Variants in FRMD4B observed in about 807,000 individuals in gnomAD.
FRMD4B encodes FERM domain containing 4B, also known as FERM domain-containing protein 4B.
In FRMD4B, 74 loss-of-function variants were observed where a neutral mutation model predicts 141.5. The ratio of observed to expected loss-of-function variants is 0.52; its 90% confidence interval spans 0.43 to 0.63. The LOEUF (loss-of-function observed/expected upper bound fraction) is 0.63. Among genes scored for constraint, FRMD4B ranks in the 30% least tolerant of loss-of-function variants. The pLI, the probability that FRMD4B is intolerant of heterozygous loss-of-function variation, is 0.00. For synonymous variants in FRMD4B, 506 were observed against 467.9 expected (o/e 1.08, Z -1.05); for missense variants, 1,366 against 1,253.4 (o/e 1.09, Z -1.36).
chr3:69,221,006 T>C (rs1190675836), intron 9 of FRMD4B, among the ~76,000 whole-genome samples: 2 of 151,780 alleles, frequency 1.3e-5, no homozygotes, highest in African/African-American at 4.8e-5. Flanking sequence ...TATTGTCACC[T>C]GGCTGGAGTG....
At chr3:69,260,535 C>T (rs898681797) in intron 5 of FRMD4B, among the ~76,000 whole-genome samples, 6 of 152,232 alleles carry the variant, frequency 3.9e-5, no homozygotes, top group Non-Finnish European at 5.9e-5. Context: ...GGACCTGCAG[C>T]CCGCCATGCC....
At chr3:69,193,925 T>C (rs1336982821) in intron 16 of FRMD4B, 52 bp from the exon 17 acceptor site, 1 of 1,092,666 alleles carries the variant, frequency 9.2e-7, no homozygotes, top group African/African-American at 1.6e-5. Context: ...CAATCAACTC[T>C]TACATGCATT....
chr3:69,338,550 G>C (rs1369112930), intron 1 of FRMD4B, among the ~76,000 whole-genome samples: 1 of 152,180 alleles, frequency 6.6e-6, no homozygotes, highest in African/African-American at 2.4e-5. Context: ...AATGGAGCTG[G>C]AGGTCATTAT....
rs5849890 is a variant in FRMD4B, at chr3:69,253,183, A to ATTTTTTTT, written c.502-3092_502-3085dup. On this transcript the variant is annotated intron_variant, in intron 5 of 22. Coordinates refer to ENST00000398540, the MANE Select transcript of FRMD4B (RefSeq NM_015123.3). ...GGAAATTAGTGAAAATATGATTCCT[A>ATTTTTTTT]TTTTTTTTTTTTTTTTTTTTTGCAG... Among the ~76,000 whole-genome samples the ATTTTTTTT allele has an allele frequency of 7.8e-4, 101 of 129,828 alleles. 1 individual carries two copies. Among genetic ancestry groups the ATTTTTTTT allele is most frequent in the African/African-American group, 3.0e-3 (99 of 33,538 alleles). The allele number at this position is 129,828 out of a possible 152,430, so 85.2% of individuals were successfully genotyped here.
At chr3:69,516,834 G>T (rs1038185006) in intron 1 of FRMD4B, among the ~76,000 whole-genome samples, 9 of 152,180 alleles carry the variant, frequency 5.9e-5, no homozygotes, top group African/African-American at 2.2e-4. Context: ...GAAAACTGCT[G>T]GGTGGGCTTG....
At chr3:69,274,906 A>G (rs2106952913) in intron 5 of FRMD4B, among the ~76,000 whole-genome samples, 2 of 152,304 alleles carry the variant, frequency 1.3e-5, no homozygotes, top group South Asian at 4.1e-4. Context: ...ATTCCCACAT[A>G]AAGGAAACCT....
At chr3:69,200,800 T>C (rs749531612) in intron 11 of FRMD4B, 5 of 592,126 alleles carry the variant, frequency 8.4e-6, no homozygotes, top group Admixed American at 2.3e-5. Flanking sequence ...ATTTCTACCC[T>C]AGTTTACTCA....
At chr3:69,265,525 T>G (rs1430744710) in intron 5 of FRMD4B, among the ~76,000 whole-genome samples, 2 of 137,578 alleles carry the variant, frequency 1.5e-5, no homozygotes, top group African/African-American at 5.4e-5. Context: ...CTCGGCTCAC[T>G]GCAAGCTCCG....
chr3:69,284,238 G>A (rs1032738921), intron 5 of FRMD4B, among the ~76,000 whole-genome samples: 1 of 152,124 alleles, frequency 6.6e-6, no homozygotes, highest in Admixed American at 6.5e-5. Context: ...AGAGAGCTGC[G>A]AAGAGAGAGA....
chr3:69,305,151 A>T (rs1344159527), intron 3 of FRMD4B, among the ~76,000 whole-genome samples: 1 of 152,124 alleles, frequency 6.6e-6, no homozygotes, highest in African/African-American at 2.4e-5. Context: ...TACCCAGTGG[A>T]CTTGTATATA....
At chr3:69,320,423 T>C (rs1701959003) in intron 1 of FRMD4B, among the ~76,000 whole-genome samples, 1 of 151,772 alleles carries the variant, frequency 6.6e-6, no homozygotes, top group Non-Finnish European at 1.5e-5. Context: ...TGAGAAACCA[T>C]CTCTACAAAA....
chr3:69,323,705 G>C (rs1269699305), intron 1 of FRMD4B, among the ~76,000 whole-genome samples: 1 of 140,956 alleles, frequency 7.1e-6, no homozygotes, highest in African/African-American at 2.6e-5. Flanking sequence ...TCCATTACTA[G>C]CTTCATTTTA....
chr3:69,511,560 G>T (rs1488601334), intron 1 of FRMD4B, among the ~76,000 whole-genome samples: 2 of 152,154 alleles, frequency 1.3e-5, no homozygotes, highest in Admixed American at 6.6e-5. Flanking sequence ...ATACCTGACT[G>T]ACAGCCCCAG....
At chr3:69,503,367 G>A (rs904482999) in intron 1 of FRMD4B, among the ~76,000 whole-genome samples, 1 of 152,064 alleles carries the variant, frequency 6.6e-6, no homozygotes, top group African/African-American at 2.4e-5. Flanking sequence ...AAAGAAGGAT[G>A]AGTTCATGTC....
intron 1 of FRMD4B, among the ~76,000 whole-genome samples, chr3:69,379,921 CAT>C (rs879854669): frequency 2.6e-5 from 4 of 152,254 alleles, no homozygotes; most frequent in Admixed American, 6.5e-5. Flanking sequence ...GCCCGCAAGC[CAT>C]AGTTTGCTGA....
chr3:69,202,324 A>G (rs2092976464), intron 11 of FRMD4B, among the ~76,000 whole-genome samples: 1 of 152,204 alleles, frequency 6.6e-6, no homozygotes, highest in Non-Finnish European at 1.5e-5. Context: ...TTATTTGGAC[A>G]ATATTGGTGT....
chr3:69,365,683 A>T (rs1336023873), intron 1 of FRMD4B, among the ~76,000 whole-genome samples: 1 of 151,930 alleles, frequency 6.6e-6, no homozygotes, highest in Non-Finnish European at 1.5e-5. Context: ...GTATTATTAC[A>T]GACGGGGCTT....
chr3:69,202,367 G>A (rs2092977005), intron 11 of FRMD4B, among the ~76,000 whole-genome samples: 1 of 151,658 alleles, frequency 6.6e-6, no homozygotes, highest in Non-Finnish European at 1.5e-5. Context: ...ATATATGTGT[G>A]TGTGTGTATA....
Position 69,365,514 on chromosome 3 carries a change from C to G in FRMD4B, c.162+20314G>C, listed in dbSNP as rs201564898. On this transcript the variant is annotated intron_variant, in intron 1 of 22. Transcript: ENST00000398540. Reference sequence around the variant, plus strand: ...AATAGATACAACCTTTGTTTTTTTTCTTTTTTTTGAGATGGAGTCTTGCTC... The same window carrying G: ...AATAGATACAACCTTTGTTTTTTTTGTTTTTTTTGAGATGGAGTCTTGCTC... Among the ~76,000 whole-genome samples the G allele has an allele frequency of 3.8e-3, 579 of 150,874 alleles. 6 individuals are homozygous for G. The highest frequency in any genetic ancestry group is 0.013 in the South Asian group (63 of 4,798).
Sources: allele counts gnomAD v4.1 joint callset (sites outside exome capture counted in the v4.1 genomes callset), GRCh38; gene constraint gnomAD v4.1.1; transcripts MANE v1.5; gene names NCBI Gene and HGNC (gene_info 2026-07-23, HGNC 2026-07-21).